The following PTPRT variants were observed in gnomAD, a reference collection of about 807,000 sequenced individuals.
PTPRT encodes the protein protein tyrosine phosphatase receptor type T, also known as receptor-type tyrosine-protein phosphatase T.
Under a neutral mutation model 176.8 loss-of-function variants are expected in PTPRT, and 56 were observed. The ratio of observed to expected loss-of-function variants is 0.32; its 90% CI spans 0.26 to 0.40. PTPRT has a LOEUF of 0.40. PTPRT is among the 10% of genes least tolerant of loss of function. PTPRT has a pLI of 1.00. For missense variants in PTPRT, 1,540 were observed against 1,908.2 expected, an observed-to-expected ratio of 0.81 and a Z score of 3.60; for synonymous variants, 783 against 739.0, an observed-to-expected ratio of 1.06 and a Z score of -0.96.
At position 42,362,266 on chromosome 20, in the gene PTPRT, C is replaced by G. The variant is rs1032342867; in HGVS notation, c.1561-9981G>C. On this transcript the variant is annotated intron_variant, in intron 9 of 30. Coordinates refer to ENST00000373187, the MANE Select transcript of PTPRT (RefSeq NM_007050.6). ...TCGGTGACAGAGTGAGACCCTGTCT[C>G]TAAAAAACAAAAGTAAAAAATAAAA... Among the ~76,000 whole-genome samples the G allele has an allele frequency of 2.6e-5, 4 of 151,836 alleles. No homozygotes were observed. In the East Asian group the frequency reaches 7.8e-4, roughly 29 times the overall value.
the PTPRT span, among the ~76,000 whole-genome samples, chr20:42,052,758 C>T: frequency 1.2e-4 from 18 of 152,128 alleles, no homozygotes; most frequent in African/African-American, 4.3e-4. Context: ...AAAGCAATCT[C>T]TGATTAGGGT....
At chr20:43,034,700 G>A (rs1196063028) in intron 1 of PTPRT, among the ~76,000 whole-genome samples, 2 of 151,308 alleles carry the variant, frequency 1.3e-5, no homozygotes, top group Non-Finnish European at 1.5e-5. Flanking sequence ...TTTCAAAACC[G>A]TGAACACAGA....
At chr20:43,134,566 A>G (rs1336897114) in intron 1 of PTPRT, among the ~76,000 whole-genome samples, 1 of 151,968 alleles carries the variant, frequency 6.6e-6, no homozygotes, top group Non-Finnish European at 1.5e-5. Context: ...CCTCTTGCCC[A>G]TGCTGTATTC....
chr20:42,269,433 G>A (rs931961939), intron 13 of PTPRT, among the ~76,000 whole-genome samples: 1 of 152,194 alleles, frequency 6.6e-6, no homozygotes, highest in Non-Finnish European at 1.5e-5. Context: ...TTTGAGAGAG[G>A]TGACAGTTAA....
intron 6 of PTPRT, among the ~76,000 whole-genome samples, chr20:42,707,285 T>C (rs940949457): frequency 2.0e-5 from 3 of 152,196 alleles, no homozygotes; most frequent in African/African-American, 4.8e-5. Context: ...TGTTGGCTCT[T>C]AACATTTTCA....
At chr20:43,038,004 TA>T (rs1568746901) in intron 1 of PTPRT, among the ~76,000 whole-genome samples, 2 of 152,120 alleles carry the variant, frequency 1.3e-5, no homozygotes, top group African/African-American at 2.4e-5. Flanking sequence ...CGTAAGACAG[TA>T]AAAAAATCTG....
At chr20:42,107,349 T>TG (rs1371139998) in intron 23 of PTPRT, among the ~76,000 whole-genome samples, 1 of 151,448 alleles carries the variant, frequency 6.6e-6, no homozygotes, top group Non-Finnish European at 1.5e-5. Flanking sequence ...AGACAGAGAG[T>TG]GGTTGGTGGA....
chr20:42,806,547 A>G (rs1351747340), intron 2 of PTPRT, among the ~76,000 whole-genome samples: 1 of 152,054 alleles, frequency 6.6e-6, no homozygotes, highest in Non-Finnish European at 1.5e-5. Flanking sequence ...GATTAACTGA[A>G]TTAATACAGG....
chr20:42,989,600 T>C (rs190604921), intron 1 of PTPRT, among the ~76,000 whole-genome samples: 363 of 152,328 alleles, frequency 2.4e-3, no homozygotes, highest in Admixed American at 4.1e-3. Flanking sequence ...AAAACTCCAC[T>C]GGCTCCCACA....
chr20:42,116,242 C>T lies in PTPRT; in HGVS notation c.2983-927G>A, dbSNP rs921106040. On this transcript the variant is annotated intron_variant, in intron 21 of 30. Transcript: ENST00000373187. ...ATTCAGCTTCTTTCTCATGCTAGTGCTAATGTGTTTTGTGTTTTGCGACTC... is the reference window on the plus strand; with the variant it reads ...ATTCAGCTTCTTTCTCATGCTAGTGTTAATGTGTTTTGTGTTTTGCGACTC... The T allele has an allele frequency of 9.8e-6, 6 of 610,452 alleles. No individual in the cohort carries two copies. In the East Asian group the frequency reaches 1.1e-4, roughly 11 times the overall value. The allele number at this position is 610,452 out of a possible 1,614,324, so 37.8% of individuals were successfully genotyped here.
intron 7 of PTPRT, among the ~76,000 whole-genome samples, chr20:42,632,500 G>A (rs927430837): frequency 1.3e-5 from 2 of 152,000 alleles, no homozygotes; most frequent in African/African-American, 4.8e-5. Context: ...TGGGGTTACA[G>A]GCGTGAGCCA....
intron 5 of PTPRT, among the ~76,000 whole-genome samples, chr20:42,757,761 C>T (rs1380209179): frequency 1.3e-5 from 2 of 152,188 alleles, no homozygotes; most frequent in African/African-American, 4.8e-5. Flanking sequence ...GGGCTTTTGT[C>T]TTCAGCATCC....
At chr20:42,318,995 TGGGTTCTCACTG>T (rs1282248630) in intron 11 of PTPRT, among the ~76,000 whole-genome samples, 6 of 152,106 alleles carry the variant, frequency 3.9e-5, no homozygotes, top group Non-Finnish European at 5.9e-5. Context: ...AGCAAGAAGA[TGGGTTCTCACTG>T]GGCTCTGAAC....
At chr20:42,740,554 T>C (rs2076593948) in intron 6 of PTPRT, among the ~76,000 whole-genome samples, 1 of 151,980 alleles carries the variant, frequency 6.6e-6, no homozygotes, top group Non-Finnish European at 1.5e-5. Context: ...CCAGCCCAGG[T>C]AGGTGTCAAG....
intron 1 of PTPRT, among the ~76,000 whole-genome samples, chr20:42,979,957 G>A (rs1438744937): frequency 1.5e-5 from 2 of 130,960 alleles, no homozygotes; most frequent in Non-Finnish European, 3.2e-5. Flanking sequence ...AGAAGCCGGA[G>A]AGCATGCAAG....
Position 42,741,517 on chromosome 20 carries a change from T to C in PTPRT, c.859+14945A>G, listed in dbSNP as rs147224328. ...CCACCACCACACCCGGCTAATTTCT[T>C]GTATTTTTAGTAGAGATAGGGTTTC... On this transcript the variant is annotated intron_variant, in intron 6 of 30. Coordinates refer to ENST00000373187, the MANE Select transcript of PTPRT (RefSeq NM_007050.6). Among the ~76,000 whole-genome samples the C allele has an allele frequency of 6.8e-3, 1,029 of 152,212 alleles. 9 individuals are homozygous for C. Among genetic ancestry groups the C allele is most frequent in the African/African-American group, 0.024 (979 of 41,546 alleles).
intron 2 of PTPRT, among the ~76,000 whole-genome samples, chr20:42,881,277 A>G (rs2079006360): frequency 6.6e-6 from 1 of 152,234 alleles, no homozygotes; most frequent in Admixed American, 6.5e-5. Flanking sequence ...CTGTTGTGTA[A>G]GATTGGAATA....
chr20:42,924,664 A>G (rs1372080713), intron 1 of PTPRT, among the ~76,000 whole-genome samples: 1 of 152,218 alleles, frequency 6.6e-6, no homozygotes, highest in African/African-American at 2.4e-5. Flanking sequence ...GCTGGCAAAT[A>G]TCCCGATCCG....
intron 7 of PTPRT, among the ~76,000 whole-genome samples, chr20:42,634,033 TA>T (rs1357529537): frequency 7.3e-5 from 2 of 27,232 alleles, no homozygotes; most frequent in Non-Finnish European, 1.1e-4. Flanking sequence ...ATATATATAT[TA>T]TATATATTAT....
Sources: gnomAD v4.1 joint callset for allele counts (sites outside exome capture counted in the v4.1 genomes callset) on GRCh38, gnomAD v4.1.1 for gene constraint, MANE v1.5 for transcripts, NCBI Gene and HGNC (gene_info 2026-07-23, HGNC 2026-07-21) for gene names.